Variants in PTPN13 observed in about 807,000 individuals in gnomAD.
The protein encoded by PTPN13 is protein tyrosine phosphatase non-receptor type 13.
Under a neutral mutation model 284.0 loss-of-function variants are expected in PTPN13, and 191 were observed. The observed-to-expected ratio is 0.67, with a 90% CI of 0.60 to 0.76. The LOEUF (loss-of-function observed/expected upper bound fraction) is 0.76. Ranked by LOEUF, PTPN13 falls within the 30% of genes least tolerant of loss-of-function variation. The probability of loss-of-function intolerance (pLI) is 0.00; values close to 1 mark genes in which losing one functional copy is unlikely to be tolerated. For missense variants in PTPN13, 2,797 were observed against 2,939.9 expected, an observed-to-expected ratio of 0.95 and a Z score of 1.12; for synonymous variants, 986 against 1,022.3, an observed-to-expected ratio of 0.96 and a Z score of 0.68.
chr4:86,726,428 A>C (rs2149105184), intron 10 of PTPN13, among the ~76,000 whole-genome samples: 1 of 149,172 alleles, frequency 6.7e-6, no homozygotes, highest in Admixed American at 6.7e-5. Flanking sequence ...CATTTTCATG[A>C]TATTGATTCC....
chr4:86,813,605 T>G (rs1745470383), intron 47 of PTPN13, among the ~76,000 whole-genome samples: 1 of 151,942 alleles, frequency 6.6e-6, no homozygotes, highest in South Asian at 2.1e-4. Flanking sequence ...CCACCTCACT[T>G]TAGTAGAGAT....
chr4:86,800,317 G>A (rs1315359169), intron 42 of PTPN13, among the ~76,000 whole-genome samples: 1 of 151,562 alleles, frequency 6.6e-6, no homozygotes, highest in African/African-American at 2.4e-5. Flanking sequence ...AAAGAACACG[G>A]TTTTGTCATT....
intron 10 of PTPN13, among the ~76,000 whole-genome samples, chr4:86,725,825 A>G (rs963259583): frequency 6.7e-6 from 1 of 149,556 alleles, no homozygotes; most frequent in Non-Finnish European, 1.5e-5. Context: ...TAGTTTAATT[A>G]GATACTGTTT....
intron 3 of PTPN13, among the ~76,000 whole-genome samples, chr4:86,678,580 C>T (rs967315344): frequency 1.3e-5 from 2 of 152,208 alleles, no homozygotes; most frequent in South Asian, 2.1e-4. Flanking sequence ...GAATGTGCCA[C>T]AGGCATCTGA....
rs1305450323 is a variant in PTPN13 at position 86,771,314 on chromosome 4, A to G, written c.4947A>G (p.Arg1649=). ...SKKQCKSPSR[R]DSYSDSSGSG... is the part of the protein sequence containing the mutation. ...AACAGTGCAAGTCCCCATCCAGAAG[A>G]GACAGTTACAGTGACAGCAGTGGGA... Residue 1649 remains arginine, a synonymous_variant, in exon 31 of 48, where the codon AGA becomes AGG. Coordinates refer to ENST00000411767, the MANE Select transcript of PTPN13 (RefSeq NM_080683.3). 2 of 1,600,604 alleles carry G rather than the reference A, an allele frequency of 1.2e-6. No homozygotes were observed. Among genetic ancestry groups the G allele is most frequent in the African/African-American group, 1.3e-5 (1 of 74,722 alleles).
intron 2 of PTPN13, among the ~76,000 whole-genome samples, chr4:86,641,727 C>T (rs1027101873): frequency 1.3e-5 from 2 of 152,002 alleles, no homozygotes; most frequent in African/African-American, 2.4e-5. Flanking sequence ...AGTTTTGTTG[C>T]CTTGTGGTTA....
At chr4:86,766,332 GCCTGAGT>G in intron 26 of PTPN13, 93 bp from the exon 27 acceptor site, 1 of 822,404 alleles carries the variant, frequency 1.2e-6, no homozygotes, top group East Asian at 2.8e-5. Flanking sequence ...TCCAGAATTT[GCCTGAGT>G]CCCTCCTCAA....
At chr4:86,804,338 G>A (rs1744418991) in intron 43 of PTPN13, among the ~76,000 whole-genome samples, 1 of 152,168 alleles carries the variant, frequency 6.6e-6, no homozygotes, top group Non-Finnish European at 1.5e-5. Context: ...TGGTTTTGAA[G>A]TTGACCTTGC....
Position 86,767,865 on chromosome 4 carries a change from C to T in PTPN13, c.4378C>T (p.His1460Tyr), listed in dbSNP as rs1408302892. 1 of 1,603,816 alleles carries T rather than the reference C, an allele frequency of 6.2e-7. No homozygotes were observed. Among genetic ancestry groups the T allele is most frequent in the African/African-American group, 1.3e-5 (1 of 74,778 alleles). ...GGGACAATCTCCAACATCTAAAGAA[C>T]ATGTCCCGGTAACCCCACAGTGTAC... ...EKGQSPTSKE[H>Y]VPVTPQCTLS... is the part of the protein sequence containing the mutation. Residue 1460 changes from histidine (H) to tyrosine (Y), a missense_variant, in exon 28 of 48, where the codon CAT becomes TAT. Physicochemically the swap from His to Tyr is moderately conservative, Grantham distance 83. Transcript: ENST00000411767.
chr4:86,723,527 C>T (rs892829674), intron 10 of PTPN13, among the ~76,000 whole-genome samples: 5 of 152,168 alleles, frequency 3.3e-5, no homozygotes, highest in African/African-American at 9.7e-5. Context: ...CCAAAAAGAT[C>T]GGGGACCGCT....
rs1731175755 is a variant in PTPN13 at position 86,701,636 on chromosome 4, T to A, written c.1030T>A (p.Tyr344Asn). ...TACTCCTAGAAAAAAGGAGGCAAGA[T>A]ACTCAGATGGAAGTATAGCCTTGGA... ...STTPRKKEAR[Y>N]SDGSIALDIF... The change falls in exon 7 of 48, where the codon TAC becomes AAC. Residue 344 changes from tyrosine to asparagine, a missense_variant. Transcript: ENST00000411767. The A allele has an allele frequency of 6.2e-7, 1 of 1,613,936 alleles. No individual in the cohort carries two copies. The highest frequency in any genetic ancestry group is 8.5e-7 in the Non-Finnish European group (1 of 1,179,874).
intron 10 of PTPN13, among the ~76,000 whole-genome samples, chr4:86,725,965 G>A (rs1444185127): frequency 6.7e-6 from 1 of 149,698 alleles, no homozygotes; most frequent in African/African-American, 2.4e-5. Context: ...TAACATTTAA[G>A]TCCTTAATCC....
At chr4:86,613,292 A>G (rs1348369261) in intron 1 of PTPN13, among the ~76,000 whole-genome samples, 1 of 152,166 alleles carries the variant, frequency 6.6e-6, no homozygotes, top group Admixed American at 6.5e-5. Context: ...AGCATAAACC[A>G]CATTGTTTGC....
chr4:86,783,737 C>G (rs372774988), intron 37 of PTPN13, among the ~76,000 whole-genome samples: 2 of 151,968 alleles, frequency 1.3e-5, no homozygotes, highest in East Asian at 3.9e-4. Context: ...CAAAGCACAA[C>G]CTTTTATTTG....
At chr4:86,799,280 A>G in intron 42 of PTPN13, 76 bp downstream of exon 42, 1 of 839,676 alleles carries the variant, frequency 1.2e-6, no homozygotes, top group Non-Finnish European at 1.8e-6. Flanking sequence ...TTCAGACTAT[A>G]TGGATATGCT....
intron 3 of PTPN13, among the ~76,000 whole-genome samples, chr4:86,684,657 A>G (rs1729248071): frequency 6.6e-6 from 1 of 152,184 alleles, no homozygotes; most frequent in Non-Finnish European, 1.5e-5. Flanking sequence ...CTTTTATTAC[A>G]TATATCTGAC....
Position 86,732,451 on chromosome 4 carries a change from T to C in PTPN13, c.1660T>C (p.Leu554=). 3 of 1,602,382 alleles carry C rather than the reference T, an allele frequency of 1.9e-6. No individual in the cohort carries two copies. The highest frequency in any genetic ancestry group is 2.6e-6 in the Non-Finnish European group (3 of 1,173,378). ...AATGACAATTGAACCATTTATATCT[T>C]TGGATTTGCCACGGTCTATTCTTGT... ...VKMTIEPFIS[L]DLPRSILTKK... Residue 554 remains leucine, a synonymous_variant, in exon 11 of 48, where the codon TTG becomes CTG. Coordinates refer to ENST00000411767, the MANE Select transcript of PTPN13 (RefSeq NM_080683.3).
At chr4:86,813,667 T>A (rs2149401976) in intron 47 of PTPN13, among the ~76,000 whole-genome samples, 1 of 152,212 alleles carries the variant, frequency 6.6e-6, no homozygotes, top group South Asian at 2.1e-4. Flanking sequence ...CCTCAAGTGA[T>A]CCACCTGCCT....
chr4:86,723,964 G>T (rs1419022051), intron 10 of PTPN13, among the ~76,000 whole-genome samples: 1 of 152,102 alleles, frequency 6.6e-6, no homozygotes, highest in Non-Finnish European at 1.5e-5. Context: ...GAAGATAATA[G>T]AATTCAAATT....
Sources: gnomAD v4.1 joint callset for allele counts (sites outside exome capture counted in the v4.1 genomes callset) on GRCh38, gnomAD v4.1.1 for gene constraint, MANE v1.5 for transcripts, NCBI Gene and HGNC (gene_info 2026-07-23, HGNC 2026-07-21) for gene names.